DKC1: variants seen among roughly 807,000 people sequenced by gnomAD.
DKC1 encodes H/ACA ribonucleoprotein complex subunit DKC1.
DKC1 carries 4 observed loss-of-function variants against 46.7 expected under a neutral mutation model. The ratio of observed to expected loss-of-function variants is 0.09; its 90% confidence interval spans 0.04 to 0.20. The LOEUF (loss-of-function observed/expected upper bound fraction) is 0.20, where lower values mean the gene tolerates loss of function less well. Ranked by LOEUF, DKC1 falls within the 10% of genes least tolerant of loss-of-function variation. The pLI is 1.00. For synonymous variants in DKC1, 141 were observed against 142.4 expected, an observed-to-expected ratio of 0.99 and a Z score of 0.07; for missense variants, 171 against 404.2, an observed-to-expected ratio of 0.42 and a Z score of 4.95.
At chrX:154,765,398 A>G (rs782382476) in intron 2 of DKC1, 46 bp from the exon 3 acceptor site, 114 of 1,055,564 alleles carry the variant, frequency 1.1e-4, no homozygotes, top group Non-Finnish European at 1.5e-4. Flanking sequence ...GAATTGTTCA[A>G]AATCGGGTGG....
At chrX:154,770,366 G>A (rs2071805551) in intron 9 of DKC1, among the ~76,000 whole-genome samples, 1 of 107,575 alleles carries the variant, frequency 9.3e-6, no homozygotes, top group Non-Finnish European at 1.9e-5. Context: ...CTCCTTGGGA[G>A]GCTGAGAATC....
intron 1 of DKC1, among the ~76,000 whole-genome samples, 196 bp downstream of exon 1, chrX:154,763,177 C>T (rs1557263773): frequency 8.9e-6 from 1 of 111,983 alleles, no homozygotes; most frequent in African/African-American, 3.2e-5. Context: ...GAGCCCCTCG[C>T]GGTGACTTGG....
rs138410549 is a variant in DKC1, at chrX:154,776,860, C to A, written c.1538C>A (p.Ser513Tyr). The A allele has an allele frequency of 3.0e-5, 36 of 1,198,376 alleles. No individual in the cohort carries two copies. Among genetic ancestry groups the A allele is most frequent in the Non-Finnish European group, 4.1e-5 (36 of 887,370 alleles). The change falls in exon 15 of 15, where the codon TCT becomes TAT. Residue 513 changes from serine (S) to tyrosine (Y), a missense_variant. Ser to Tyr is a moderately radical substitution (Grantham distance 144). This residue lies in a region of DKC1 where 54 missense variants were observed against 64.4 expected (regional missense o/e 0.84). Transcript: ENST00000369550. The stretch of plus-strand genomic sequence containing the variant: ...AAAGCAAAAGAGGTAGAATTGGTTT[C>A]TGAGTAGTGAAGGCCACTTGAAGCT... Reference protein sequence around the residue: ...KKKAKEVELVSE With the variant: ...KKKAKEVELVYE
intron 12 of DKC1, 84 bp from the exon 13 acceptor site, chrX:154,775,111 G>A (rs1557265514): frequency 1.1e-6 from 1 of 934,696 alleles, no homozygotes. Flanking sequence ...GGTGGCTTTA[G>A]ACTTGCCAGA....
At chrX:154,764,238 T>TTA (rs1197322547) in intron 1 of DKC1, among the ~76,000 whole-genome samples, 6 of 107,603 alleles carry the variant, frequency 5.6e-5, no homozygotes, top group African/African-American at 1.3e-4. Flanking sequence ...TGTATGTATA[T>TTA]TATATATATA....
Position 154,768,265 on chromosome X carries a change from G to A in DKC1, c.641-37G>A, listed in dbSNP as rs782399874. Reference sequence around the variant, plus strand: ...TTTCTCAACCAGTGATGTATTTACAGTAGGTGCTGCTTTTCTTTTGTGTGT... The same window carrying A: ...TTTCTCAACCAGTGATGTATTTACAATAGGTGCTGCTTTTCTTTTGTGTGT... On this transcript the variant is annotated intron_variant, in intron 7 of 14. Transcript: ENST00000369550. 1.4e-5 allele frequency: 17 copies of A among 1,209,707 alleles called. No individual in the cohort carries two copies. In the East Asian group the frequency reaches 5.0e-4, roughly 36 times the overall value.
chrX:154,766,086 G>A (rs913461413), intron 4 of DKC1, 88 bp downstream of exon 4: 6 of 994,052 alleles, frequency 6.0e-6, no homozygotes, highest in Non-Finnish European at 8.6e-6. Context: ...TGGCATGCCA[G>A]AATAGCTTTG....
Position 154,766,014 on chromosome X carries a change from A to C in DKC1, c.263+16A>C, listed in dbSNP as rs782490890. 1.7e-6 allele frequency: 2 copies of C among 1,152,612 alleles called. No individual in the cohort carries two copies. Among genetic ancestry groups the C allele is most frequent in the Non-Finnish European group, 1.2e-6 (1 of 841,428 alleles). 95.0% of individuals were successfully genotyped at this position (1,152,612 alleles called of 1,213,427 possible). A position where few individuals can be genotyped will look rare whatever the true frequency, so the allele number is the denominator to read the frequency against. ...ACTATATCAGGTAAGTGTTGGGAGGAGGCACTGTGCAAACTTACTTTCTTT... is the reference window on the plus strand; with the variant it reads ...ACTATATCAGGTAAGTGTTGGGAGGCGGCACTGTGCAAACTTACTTTCTTT... On this transcript the variant is annotated intron_variant, in intron 4 of 14. Transcript: ENST00000369550.
intron 7 of DKC1, among the ~76,000 whole-genome samples, chrX:154,767,812 TA>T (rs1157991483): frequency 9.1e-6 from 1 of 109,863 alleles, no homozygotes; most frequent in African/African-American, 3.3e-5. Context: ...ACTTAAGTGT[TA>T]AAAATTCTGC....
intron 1 of DKC1, among the ~76,000 whole-genome samples, chrX:154,763,503 GGATGTTTAAGCTCTGCCATA>G (rs1217880246): frequency 8.9e-6 from 1 of 112,365 alleles, no homozygotes; most frequent in East Asian, 2.8e-4. Context: ...CGCTTCTGTG[GGATGTTTAAGCTCTGCCATA>G]GCCACGTGGT....
chrX:154,773,927 G>A (rs1239355773), intron 11 of DKC1, among the ~76,000 whole-genome samples: 1 of 110,914 alleles, frequency 9.0e-6, no homozygotes, highest in Non-Finnish European at 1.9e-5. Flanking sequence ...GGCCGGGCGG[G>A]GGGGCTGACC....
intron 1 of DKC1, among the ~76,000 whole-genome samples, 155 bp downstream of exon 1, chrX:154,763,136 C>T (rs1168845917): frequency 2.7e-5 from 3 of 112,501 alleles, no homozygotes; most frequent in South Asian, 3.6e-4. Context: ...TGTCTCTCGG[C>T]CCTGGCTCCG....
chrX:154,766,125 G>C (rs1472976109), intron 4 of DKC1, 91 bp from the exon 5 acceptor site: 1 of 1,046,274 alleles, frequency 9.6e-7, no homozygotes, highest in East Asian at 3.0e-5. Flanking sequence ...TACCCGCAGT[G>C]AATTATTTTT....
Position 154,765,455 on chromosome X carries a change from C to T in DKC1, c.96C>T (p.His32=), listed in dbSNP as rs1557264045. ...LPEEDVAEIQ[H]AEEFLIKPES... ...CTGTCCTGTCGAAGGAAATACAACA[C>T]GCTGAAGAATTTCTTATCAAACCTG... Residue 32 remains histidine, a synonymous_variant, in exon 3 of 15, where the codon CAC becomes CAT. Coordinates refer to ENST00000369550, the MANE Select transcript of DKC1 (RefSeq NM_001363.5). 4 of 1,208,216 alleles carry T rather than the reference C, an allele frequency of 3.3e-6. No individual in the cohort carries two copies. Among genetic ancestry groups the T allele is most frequent in the Admixed American group, 2.2e-5 (1 of 46,087 alleles).
At chrX:154,772,328 A>G (rs1383371112) in intron 10 of DKC1, among the ~76,000 whole-genome samples, 4 of 112,046 alleles carry the variant, frequency 3.6e-5, no homozygotes, top group African/African-American at 1.3e-4. Context: ...TCCCAGCACC[A>G]TTTATTGAAG....
Position 154,762,928 on chromosome X carries a change from G to A in DKC1, c.-38G>A. On this transcript the variant is annotated 5_prime_UTR_variant, in exon 1 of 15. Transcript: ENST00000369550. ...GCGGGAGTCTGCGGTCGTTCCCTCG[G>A]CTGTGGACCGGGCGGCACGCACGCG... 3 of 1,174,473 alleles carry A rather than the reference G, an allele frequency of 2.6e-6. No individual in the cohort carries two copies. The highest frequency in any genetic ancestry group is 3.4e-6 in the Non-Finnish European group (3 of 876,003).
In DKC1 at chrX:154,765,997, A is replaced by C. The variant is rs782317228; in HGVS notation, c.262A>C (p.Arg88=). The change falls in exon 4 of 15, where the codon AGG becomes CGG. Residue 88 remains arginine, a splice_region_variant and synonymous_variant. Transcript: ENST00000369550. ...PLKREIGDYI[R]TGFINLDKPS... ...GAAGAGAGAGATTGGGGACTATATC[A>C]GGTAAGTGTTGGGAGGAGGCACTGT... 8.3e-5 allele frequency: 99 copies of C among 1,190,253 alleles called. No individual in the cohort carries two copies. The South Asian group carries it at 1.1e-3, about 14-fold the overall frequency.
In DKC1 at chrX:154,770,897, T is replaced by C; in HGVS notation, c.1036+18T>C. On this transcript the variant is annotated intron_variant, in intron 10 of 14. Coordinates refer to ENST00000369550, the MANE Select transcript of DKC1 (RefSeq NM_001363.5). ...CTGCATGGGTAAGAGGGGATGTTTA[T>C]TTTTTAAATTCTAAATGTTTGTGGT... is the stretch of plus-strand genomic sequence containing the variant. 8.3e-7 allele frequency: 1 copy of C among 1,207,697 alleles called. No homozygotes were observed. The highest frequency in any genetic ancestry group is 1.8e-5 in the South Asian group (1 of 56,929).
intron 14 of DKC1, 90 bp from the exon 15 acceptor site, chrX:154,776,709 G>C (rs2071901563): frequency 1.1e-6 from 1 of 934,293 alleles, no homozygotes; most frequent in Admixed American, 2.2e-5. Flanking sequence ...AGGCTTGCTT[G>C]ACTGTGGACC....
Sources: gnomAD v4.1 joint callset for allele counts (sites outside exome capture counted in the v4.1 genomes callset) on GRCh38, gnomAD v4.1.1 for gene constraint, gnomAD v4.1.1 regional missense constraint, MANE v1.5 for transcripts, NCBI Gene and HGNC (gene_info 2026-07-23, HGNC 2026-07-21) for gene names.